ZNF142: variants seen among roughly 807,000 people sequenced by gnomAD.
ZNF142 encodes zinc finger protein 142, also known as zinc finger protein 142 (clone pHZ-49).
A neutral mutation model predicts 132.1 loss-of-function variants in ZNF142; 96 were observed. That is an observed-to-expected ratio of 0.73 (90% CI 0.62 to 0.86). The LOEUF (loss-of-function observed/expected upper bound fraction) is 0.86, where lower values mean the gene tolerates loss of function less well. Ranked by LOEUF, ZNF142 falls within the 40% of genes least tolerant of loss-of-function variation. The pLI is 0.00. For missense variants in ZNF142, 2,163 were observed against 2,336.2 expected, an observed-to-expected ratio of 0.93 and a Z score of 1.53; for synonymous variants, 842 against 890.1, an observed-to-expected ratio of 0.95 and a Z score of 0.96.
rs1317526502 is a variant in ZNF142 at position 218,643,364 on chromosome 2, C to G, written c.3752G>C (p.Gly1251Ala). The change falls in exon 9 of 11, where the codon GGG becomes GCG. Residue 1251 changes from glycine (G) to alanine (A), a missense_variant. Transcript: ENST00000411696. ...ITSHVAEGCRGGRGGGGKRGT... is the reference protein window; with the variant it reads ...ITSHVAEGCRAGRGGGGKRGT... ...TCGTTTTCCTCCCCCGCCACGTCCC[C>G]CCCTGCAGCCTTCAGCCACGTGAGA... 3 of 1,614,230 alleles carry G rather than the reference C, an allele frequency of 1.9e-6. No homozygotes were observed. Among genetic ancestry groups the G allele is most frequent in the Non-Finnish European group, 2.5e-6 (3 of 1,180,028 alleles).
chr2:218,635,146 T>C lies in ZNF142; in HGVS notation c.*3193A>G, dbSNP rs1344316193. On this transcript the variant is annotated 3_prime_UTR_variant, in exon 11 of 11. Transcript: ENST00000411696. The stretch of plus-strand genomic sequence containing the variant: ...TGGCATGGTGGCACATGACTATAGA[T>C]AGTCCTGGCTACTCAGGAGGCTAAG... Among the ~76,000 whole-genome samples, 1 of 151,904 alleles carries C rather than the reference T, an allele frequency of 6.6e-6. No homozygotes were observed. Among genetic ancestry groups the C allele is most frequent in the Non-Finnish European group, 1.5e-5 (1 of 67,962 alleles).
chr2:218,656,493 T>C, intron 3 of ZNF142, 30 bp from the exon 4 acceptor site: 1 of 1,423,032 alleles, frequency 7.0e-7, no homozygotes, highest in East Asian at 2.4e-5. Context: ...AAAAACAAAG[T>C]AAGGTTAGAG....
chr2:218,653,541 C>CT (rs1396473323), intron 4 of ZNF142, among the ~76,000 whole-genome samples: 1 of 150,952 alleles, frequency 6.6e-6, no homozygotes, highest in Admixed American at 6.6e-5. Flanking sequence ...CGCCATTGCA[C>CT]TGCAGCCTGG....
rs1193726722 is a variant in ZNF142, at chr2:218,642,539, C to A, written c.4577G>T (p.Gly1526Val). 1.2e-6 allele frequency: 2 copies of A among 1,611,112 alleles called. No homozygotes were observed. The highest frequency in any genetic ancestry group is 2.7e-5 in the African/African-American group (2 of 74,866). ...APGSPAETTEGPLHCSRCGLL... is the reference protein window; with the variant it reads ...APGSPAETTEVPLHCSRCGLL... ...CCCACAGCGGGAACAGTGCAGGGGG[C>A]CCTCAGTGGTCTCTGCAGGAGAGCC... The change falls in exon 9 of 11, where the codon GGC becomes GTC. Residue 1526 changes from glycine to valine, a missense_variant. By Grantham distance (109) the Gly-to-Val change is moderately radical. Around this residue, in one of 7 missense-constraint regions of ZNF142, gnomAD observed 809 missense variants for 801.7 expected, o/e 1.01. Coordinates refer to ENST00000411696, the MANE Select transcript of ZNF142 (RefSeq NM_001379659.1). The surrounding 1 kb of genome is among the most constrained non-coding windows in gnomAD (Gnocchi z 4.6).
chr2:218,641,108 A>C (rs933690134), intron 9 of ZNF142, among the ~76,000 whole-genome samples: 1 of 151,892 alleles, frequency 6.6e-6, no homozygotes, highest in African/African-American at 2.4e-5. Context: ...CTAATTAAAA[A>C]AATTTATTTT....
At chr2:218,654,415 A>G (rs1938297523) in intron 4 of ZNF142, among the ~76,000 whole-genome samples, 1 of 149,664 alleles carries the variant, frequency 6.7e-6, no homozygotes, top group Non-Finnish European at 1.5e-5. Context: ...TGTCCAGGCT[A>G]GGGTTCAGTG....
rs373866465 is a variant in ZNF142, at chr2:218,644,739, G to A, written c.2377C>T (p.Arg793Cys). ...FSNTTLLFHK[R>C]KAHGYVPGDQ... ...CCAGGTACATAGCCATGGGCCTTGC[G>A]TTTATGGAACAAGAGTGTGGTGTTG... Residue 793 changes from arginine (R) to cysteine (C), a missense_variant, in exon 9 of 11, where the codon CGC (arginine) becomes TGC (cysteine). This residue lies in a region of ZNF142 where 749 missense variants were observed against 830.3 expected (regional missense o/e 0.90). Coordinates refer to ENST00000411696, the MANE Select transcript of ZNF142 (RefSeq NM_001379659.1). This position sits in a 1 kb window ranked among gnomAD's most constrained non-coding sequence, Gnocchi z 4.6. The A allele has an allele frequency of 5.6e-5, 91 of 1,614,110 alleles. No individual in the cohort carries two copies. The highest frequency in any genetic ancestry group is 6.7e-5 in the African/African-American group (5 of 74,938).
At chr2:218,645,462 C>T (rs1697653792) in intron 8 of ZNF142, among the ~76,000 whole-genome samples, 1 of 152,216 alleles carries the variant, frequency 6.6e-6, no homozygotes, top group South Asian at 2.1e-4. Flanking sequence ...CCTTCTCCCA[C>T]AGAGGCATGA....
chr2:218,642,194 T>C lies in ZNF142; in HGVS notation c.4922A>G (p.His1641Arg). ...AGTGCCCCCATGCCCTTTCACATGGTGATCTAGTACCAGCTGATGGCGGCA... is the reference window on the plus strand; with the variant it reads ...AGTGCCCCCATGCCCTTTCACATGGCGATCTAGTACCAGCTGATGGCGGCA... ...FTCRHQLVLD[H>R]HVKGHGGTRL... is the part of the protein sequence containing the mutation. The change falls in exon 9 of 11, where the codon CAC becomes CGC. Residue 1641 changes from histidine (H) to arginine (R), a missense_variant. By Grantham distance (29) the His-to-Arg change is conservative. Coordinates refer to ENST00000411696, the MANE Select transcript of ZNF142 (RefSeq NM_001379659.1). This position sits in a 1 kb window ranked among gnomAD's most constrained non-coding sequence, Gnocchi z 4.6. The C allele has an allele frequency of 2.5e-6, 4 of 1,614,104 alleles. No homozygotes were observed. The highest frequency in any genetic ancestry group is 3.4e-6 in the Non-Finnish European group (4 of 1,180,012).
In ZNF142 at chr2:218,638,721, T is replaced by G. The variant is rs774795467; in HGVS notation, c.5282A>C (p.Glu1761Ala). The G allele has an allele frequency of 5.6e-6, 9 of 1,613,748 alleles. No individual in the cohort carries two copies. In the Admixed American group the frequency reaches 1.5e-4, roughly 27 times the overall value. Reference sequence around the variant, plus strand: ...CTGCTCACACATGAAAGCCCGTGCTTCTCGATGCCGGGTCTCCTGGTGCAC... The same window carrying G: ...CTGCTCACACATGAAAGCCCGTGCTGCTCGATGCCGGGTCTCCTGGTGCAC... ...LRVHQETRHREARAFMCEQCG... is the reference protein window; with the variant it reads ...LRVHQETRHRAARAFMCEQCG... The change falls in exon 11 of 11, where the codon GAA becomes GCA. Residue 1761 changes from glutamate to alanine, a missense_variant. This residue lies in a region of ZNF142 where 325 missense variants were observed against 367.8 expected (regional missense o/e 0.88). Coordinates refer to ENST00000411696, the MANE Select transcript of ZNF142 (RefSeq NM_001379659.1).
rs1367814682 is a variant in ZNF142, at chr2:218,633,905, C to T, written c.*4434G>A. 8.1e-7 allele frequency: 1 copy of T among 1,230,536 alleles called. No individual in the cohort carries two copies. The allele number at this position is 1,230,536 out of a possible 1,614,324, so 76.2% of individuals were successfully genotyped here. A position where few individuals can be genotyped will look rare whatever the true frequency, so the allele number is the denominator to read the frequency against. ...AGAAACTCCTTAGAGCAGACAAGGG[C>T]AGAGGAGTTATGAATAGTGGCTCAA... is the stretch of plus-strand genomic sequence containing the variant. On this transcript the variant is annotated 3_prime_UTR_variant, in exon 11 of 11. Transcript: ENST00000411696.
chr2:218,656,450 T>C lies in ZNF142; in HGVS notation c.-21A>G. ...GTCATCACCACCGACTTGTGTGTTTTGGCTTCTTAAATGCTGACAAGCCAA... is the reference window on the plus strand; with the variant it reads ...GTCATCACCACCGACTTGTGTGTTTCGGCTTCTTAAATGCTGACAAGCCAA... On this transcript the variant is annotated 5_prime_UTR_variant, in exon 4 of 11. Transcript: ENST00000411696. The C allele has an allele frequency of 7.0e-7, 1 of 1,420,136 alleles. No homozygotes were observed. The allele number at this position is 1,420,136 out of a possible 1,614,324, so 88.0% of individuals were successfully genotyped here. A position where few individuals can be genotyped will look rare whatever the true frequency, so the allele number is the denominator to read the frequency against.
chr2:218,650,412 T>G lies in ZNF142; in HGVS notation c.995A>C (p.Gln332Pro). 6.2e-7 allele frequency: 1 copy of G among 1,614,228 alleles called. No homozygotes were observed. Among genetic ancestry groups the G allele is most frequent in the Non-Finnish European group, 8.5e-7 (1 of 1,180,024 alleles). ...NVEKEEKSDT[Q>P]KDSQKAVDKG... is the part of the protein sequence containing the mutation. ...ATCCACAGCCTTTTGGGAGTCCTTC[T>G]GGGTGTCACTCTTCTCTTCTTTCTC... Residue 332 changes from glutamine (Q) to proline (P), a missense_variant, in exon 6 of 11, where the codon CAG becomes CCG. Around this residue, in one of 7 missense-constraint regions of ZNF142, gnomAD observed 749 missense variants for 830.3 expected, o/e 0.90. Coordinates refer to ENST00000411696, the MANE Select transcript of ZNF142 (RefSeq NM_001379659.1).
Position 218,634,434 on chromosome 2 carries a change from C to A in ZNF142, c.*3905G>T. ...GAAGGCCTCCATGGTGAATCTTGCT[C>A]TTCTTTTCTCCTGGGGCCCTCAGTG... On this transcript the variant is annotated 3_prime_UTR_variant, in exon 11 of 11. Coordinates refer to ENST00000411696, the MANE Select transcript of ZNF142 (RefSeq NM_001379659.1). The surrounding 1 kb of genome is among the most constrained non-coding windows in gnomAD (Gnocchi z 4.0). The A allele has an allele frequency of 6.2e-7, 1 of 1,603,904 alleles. No homozygotes were observed. The highest frequency in any genetic ancestry group is 8.5e-7 in the Non-Finnish European group (1 of 1,174,934).
At position 218,638,678 on chromosome 2, in the gene ZNF142, C is replaced by T. The variant is rs757676073; in HGVS notation, c.5325G>A (p.Lys1775=). The T allele has an allele frequency of 1.5e-5, 25 of 1,614,096 alleles. No individual in the cohort carries two copies. Among genetic ancestry groups the T allele is most frequent in the Non-Finnish European group, 1.9e-5 (23 of 1,180,048 alleles). The change falls in exon 11 of 11, where the codon AAG becomes AAA. Residue 1775 remains lysine, a synonymous_variant. Coordinates refer to ENST00000411696, the MANE Select transcript of ZNF142 (RefSeq NM_001379659.1). ...FMCEQCGKAF[K]TRFLLRTHLR... ...GGTGGGTGCGCAGCAGGAAGCGCGT[C>T]TTGAAGGCCTTGCCACACTGCTCAC...
rs752271205 is a variant in ZNF142, at chr2:218,638,664, A to G, written c.5339T>C (p.Leu1780Pro). Residue 1780 changes from leucine (L) to proline (P), a missense_variant, in exon 11 of 11, where the codon CTG becomes CCG. Around this residue, in one of 7 missense-constraint regions of ZNF142, gnomAD observed 325 missense variants for 367.8 expected, o/e 0.88. Transcript: ENST00000411696. ...ACTGTGCTTGCGAAGGTGGGTGCGC[A>G]GCAGGAAGCGCGTCTTGAAGGCCTT... ...CGKAFKTRFL[L>P]RTHLRKHSEA... is the part of the protein sequence containing the mutation. 6.2e-7 allele frequency: 1 copy of G among 1,614,234 alleles called. No individual in the cohort carries two copies. The highest frequency in any genetic ancestry group is 8.5e-7 in the Non-Finnish European group (1 of 1,180,040).
Position 218,643,927 on chromosome 2 carries a change from T to C in ZNF142, c.3189A>G (p.Arg1063=). Residue 1063 remains arginine (R), a synonymous_variant, in exon 9 of 11, where the codon CGA becomes CGG. Transcript: ENST00000411696. Reference sequence around the variant, plus strand: ...CACACTCGGGGCACAGCAGGGGCTCTCGGCGGCCTTGGCACCCAGTCCTGG... The same window carrying C: ...CACACTCGGGGCACAGCAGGGGCTCCCGGCGGCCTTGGCACCCAGTCCTGG... ...LHSRTGCQGR[R]EPLLCPECGA... is the part of the protein sequence containing the mutation. 1 of 1,614,112 alleles carries C rather than the reference T, an allele frequency of 6.2e-7. No homozygotes were observed. The highest frequency in any genetic ancestry group is 8.5e-7 in the Non-Finnish European group (1 of 1,179,978).
Position 218,642,375 on chromosome 2 carries a change from G to A in ZNF142, c.4741C>T (p.Arg1581Cys), listed in dbSNP as rs1218843272. The part of the protein sequence containing the change: ...EHRRQQHFSH[R>C]CQLCDFAARE... ...GCAGCAAAGTCACAGAGCTGACAGCGGTGGCTGAAATGCTGCTGCCTCCGG... is the reference window on the plus strand; with the variant it reads ...GCAGCAAAGTCACAGAGCTGACAGCAGTGGCTGAAATGCTGCTGCCTCCGG... The change falls in exon 9 of 11, where the codon CGC becomes TGC. Residue 1581 changes from arginine to cysteine, a missense_variant. By Grantham distance (180) the Arg-to-Cys change is radical. Around this residue, in one of 7 missense-constraint regions of ZNF142, gnomAD observed 809 missense variants for 801.7 expected, o/e 1.01. Coordinates refer to ENST00000411696, the MANE Select transcript of ZNF142 (RefSeq NM_001379659.1). This position sits in a 1 kb window ranked among gnomAD's most constrained non-coding sequence, Gnocchi z 4.6. 12 of 1,612,888 alleles carry A rather than the reference G, an allele frequency of 7.4e-6. No individual in the cohort carries two copies. Among genetic ancestry groups the A allele is most frequent in the Middle Eastern group, 1.6e-4 (1 of 6,084 alleles).
In ZNF142 at chr2:218,636,341, C is replaced by T. The variant is rs769607592; in HGVS notation, c.*1998G>A. The T allele has an allele frequency of 2.8e-5, 45 of 1,613,856 alleles. No homozygotes were observed. Among genetic ancestry groups the T allele is most frequent in the Admixed American group, 3.3e-5 (2 of 60,004 alleles). On this transcript the variant is annotated 3_prime_UTR_variant, in exon 11 of 11. Transcript: ENST00000411696. ...GGTAATGGATTATGACTGGAAATCCCGAAATGACTTTATTGGTCAGTACAC... is the reference window on the plus strand; with the variant it reads ...GGTAATGGATTATGACTGGAAATCCTGAAATGACTTTATTGGTCAGTACAC...
Sources: allele counts gnomAD v4.1 joint callset (sites outside exome capture counted in the v4.1 genomes callset), GRCh38; gene constraint gnomAD v4.1.1; regional missense constraint gnomAD v4.1.1; non-coding constraint Gnocchi (gnomAD v3.1); transcripts MANE v1.5; gene names NCBI Gene and HGNC (gene_info 2026-07-23, HGNC 2026-07-21).